GNG7: variants seen among roughly 807,000 people sequenced by gnomAD.
GNG7 encodes the protein guanine nucleotide-binding protein G(I)/G(S)/G(O) subunit gamma-7.
GNG7 carries 1 observed loss-of-function variant against 4.0 expected under a neutral mutation model. The ratio of observed to expected loss-of-function variants is 0.25; its 90% CI spans 0.09 to 1.18. The LOEUF (loss-of-function observed/expected upper bound fraction) is 1.18, where lower values mean the gene tolerates loss of function less well. GNG7 is among the 50% of genes most tolerant of loss of function. GNG7 has a pLI of 0.50. For missense variants in GNG7, 86 were observed against 91.9 expected (o/e 0.94, Z 0.26); for synonymous variants, 34 against 36.9 (o/e 0.92, Z 0.29).
intron 2 of GNG7, among the ~76,000 whole-genome samples, chr19:2,622,407 G>C (rs931001038): frequency 2.6e-5 from 4 of 152,226 alleles, no homozygotes; most frequent in Non-Finnish European, 4.4e-5. Context: ...TGCAAAGGGT[G>C]CGGGATAAGC....
At chr19:2,659,192 A>T (rs935161604) in intron 1 of GNG7, among the ~76,000 whole-genome samples, 10 of 151,860 alleles carry the variant, frequency 6.6e-5, no homozygotes, top group Admixed American at 2.0e-4. Flanking sequence ...GATGGTCTCA[A>T]TCTCCTGACC....
At chr19:2,615,588 G>C (rs1440228480) in intron 2 of GNG7, among the ~76,000 whole-genome samples, 1 of 149,538 alleles carries the variant, frequency 6.7e-6, no homozygotes, top group African/African-American at 2.5e-5. Context: ...TCAGCCTCCA[G>C]AGTAGCTGGA....
chr19:2,672,706 A>G (rs1174588732), intron 1 of GNG7, among the ~76,000 whole-genome samples: 1 of 151,940 alleles, frequency 6.6e-6, no homozygotes, highest in African/African-American at 2.4e-5. Context: ...TCGACCTCCC[A>G]AAGTGCTGGG....
chr19:2,542,308 G>T (rs1391957876), intron 3 of GNG7, among the ~76,000 whole-genome samples: 1 of 151,900 alleles, frequency 6.6e-6, no homozygotes, highest in Admixed American at 6.6e-5. Context: ...TCGAGACGGG[G>T]TTTCACCATG....
intron 2 of GNG7, among the ~76,000 whole-genome samples, chr19:2,580,829 A>G (rs1980481209): frequency 6.6e-6 from 1 of 151,786 alleles, no homozygotes; most frequent in South Asian, 2.1e-4. Flanking sequence ...CAGTGGTGCA[A>G]TCACGGCTCA....
In GNG7 at chr19:2,661,282, GAAA is replaced by G. The variant is rs60031013; in HGVS notation, c.-134-15005_-134-15003del. On this transcript the variant is annotated intron_variant, in intron 1 of 4. Coordinates refer to ENST00000382159, the MANE Select transcript of GNG7 (RefSeq NM_052847.3). Reference sequence around the variant, plus strand: ...GAAAGAAAGAAAGAAAAGAAAGAAAGAAAGAAAGAAAGAAAGAAAGAGAAAGAA... The same window carrying G: ...GAAAGAAAGAAAGAAAAGAAAGAAAGGAAAGAAAGAAAGAAAGAGAAAGAA... Among the ~76,000 whole-genome samples the G allele has an allele frequency of 1.5e-3, 72 of 46,592 alleles. 3 individuals are homozygous for G. Among genetic ancestry groups the G allele is most frequent in the Admixed American group, 1.9e-3 (8 of 4,228 alleles). 30.6% of individuals were successfully genotyped at this position (46,592 alleles called of 152,430 possible). A position where few individuals can be genotyped will look rare whatever the true frequency, so the allele number is the denominator to read the frequency against.
Position 2,527,018 on chromosome 19 carries a change from G to A in GNG7, c.-37-6293C>T, listed in dbSNP as rs955129982. 1.6e-4 allele frequency among the ~76,000 whole-genome samples: 24 copies of A among 152,018 alleles called. No individual in the cohort carries two copies. The East Asian group carries it at 4.4e-3, about 28-fold the overall frequency. ...GCGCCACCACACCGGGCTAATTTTT[G>A]TATTTTTAGTAGAGACGGGGTTTCA... On this transcript the variant is annotated intron_variant, in intron 3 of 4. Coordinates refer to ENST00000382159, the MANE Select transcript of GNG7 (RefSeq NM_052847.3).
chr19:2,591,255 C>A (rs1980842765), intron 2 of GNG7, among the ~76,000 whole-genome samples: 1 of 152,096 alleles, frequency 6.6e-6, no homozygotes, highest in Non-Finnish European at 1.5e-5. Flanking sequence ...TCCCTCCTTG[C>A]TGTTTCTTAT....
At chr19:2,601,164 T>A (rs996997786) in intron 2 of GNG7, among the ~76,000 whole-genome samples, 2 of 152,024 alleles carry the variant, frequency 1.3e-5, no homozygotes, top group African/African-American at 4.8e-5. Flanking sequence ...AAATTATTAC[T>A]TATGTAAAAA....
intron 2 of GNG7, chr19:2,643,724 C>G (rs956131157): frequency 6.8e-6 from 3 of 439,080 alleles, no homozygotes; most frequent in Non-Finnish European, 1.4e-5. Flanking sequence ...CAGTTACACA[C>G]CCTGCGATGC....
intron 1 of GNG7, among the ~76,000 whole-genome samples, chr19:2,696,249 GAAAA>G (rs1408478118): frequency 1.3e-4 from 16 of 125,666 alleles, no homozygotes; most frequent in Non-Finnish European, 2.2e-4. Context: ...GAAAGAAAAA[GAAAA>G]AAGAAAGAAA....
chr19:2,594,447 G>GAAGGAAGGAAGGAAGGAAGGAAGGAAGGA (rs113980932), intron 2 of GNG7, among the ~76,000 whole-genome samples: 1 of 127,048 alleles, frequency 7.9e-6, no homozygotes, highest in African/African-American at 3.7e-5. Context: ...AGGAAGGAAG[G>GAAGGAAGGAAGGAAGGAAGGAAGGAAGGA]AGGAAGAAAG....
At position 2,702,676 on chromosome 19, in the gene GNG7, C is replaced by G. The variant is rs1913438586; in HGVS notation, c.-165G>C. The stretch of plus-strand genomic sequence containing the variant: ...CTCGGGCCCCGCGGCCGCCTCAGCC[C>G]CGCCGCGCAGCCGAACCCTCCGCCC... On this transcript the variant is annotated 5_prime_UTR_variant, in exon 1 of 5. Transcript: ENST00000382159. 6.6e-6 allele frequency: 1 copy of G among 151,288 alleles called. No homozygotes were observed. Among genetic ancestry groups the G allele is most frequent in the Non-Finnish European group, 1.5e-5 (1 of 67,716 alleles). 9.4% of individuals were successfully genotyped at this position (151,288 alleles called of 1,614,324 possible).
intron 2 of GNG7, among the ~76,000 whole-genome samples, chr19:2,598,728 T>G (rs1178010116): frequency 6.7e-6 from 1 of 149,800 alleles, no homozygotes; most frequent in East Asian, 1.9e-4. Context: ...ATAATAATGC[T>G]ACTTGGGCAT....
Position 2,513,166 on chromosome 19 carries a change from G to A in GNG7, c.*1856C>T, listed in dbSNP as rs1011699209. On this transcript the variant is annotated 3_prime_UTR_variant, in exon 5 of 5. Coordinates refer to ENST00000382159, the MANE Select transcript of GNG7 (RefSeq NM_052847.3). ...ACCCGGAGCCCTCTAGCCTTGGCGA[G>A]GTGGGAACCCTGGCAGTCACCAGCT... 4 of 978,526 alleles carry A rather than the reference G, an allele frequency of 4.1e-6. No individual in the cohort carries two copies. The African/African-American group carries it at 7.0e-5, about 17-fold the overall frequency. 60.6% of individuals were successfully genotyped at this position (978,526 alleles called of 1,614,324 possible).
At position 2,634,576 on chromosome 19, in the gene GNG7, G is replaced by A. The variant is rs1050859658; in HGVS notation, c.-78+11648C>T. ...GCCCCTGATTTCGGCACAGCGCCCC[G>A]TAATTACTTGCGGGCTGCACACACG... On this transcript the variant is annotated intron_variant, in intron 2 of 4. Coordinates refer to ENST00000382159, the MANE Select transcript of GNG7 (RefSeq NM_052847.3). The surrounding 1 kb of genome is among the most constrained non-coding windows in gnomAD (Gnocchi z 5.3). Among the ~76,000 whole-genome samples the A allele has an allele frequency of 2.0e-5, 3 of 152,102 alleles. No individual in the cohort carries two copies. The highest frequency in any genetic ancestry group is 1.9e-4 in the East Asian group (1 of 5,184).
At chr19:2,526,708 G>A (rs1162785662) in intron 3 of GNG7, among the ~76,000 whole-genome samples, 1 of 149,242 alleles carries the variant, frequency 6.7e-6, no homozygotes, top group Non-Finnish European at 1.5e-5. Context: ...TATATAGTTT[G>A]ATTTCTATTT....
At position 2,633,487 on chromosome 19, in the gene GNG7, G is replaced by GCGCGCACACACACA. The variant is rs1250581952; in HGVS notation, c.-78+12736_-78+12737insTGTGTGTGTGCGCG. 1.2e-4 allele frequency among the ~76,000 whole-genome samples: 12 copies of GCGCGCACACACACA among 103,804 alleles called. No homozygotes were observed. The highest frequency in any genetic ancestry group is 4.7e-4 in the African/African-American group (12 of 25,526). The allele number at this position is 103,804 out of a possible 152,430, so 68.1% of individuals were successfully genotyped here. A position where few individuals can be genotyped will look rare whatever the true frequency, so the allele number is the denominator to read the frequency against. On this transcript the variant is annotated intron_variant, in intron 2 of 4. Transcript: ENST00000382159. The surrounding 1 kb of genome is among the most constrained non-coding windows in gnomAD (Gnocchi z 5.9). ...TAGCAACAGGCGCGCGCGCGCGCGC[G>GCGCGCACACACACA]CACACACACACACACACACACACAC...
rs1555698894 is a variant in GNG7 at position 2,633,470 on chromosome 19, G to GGT, written c.-78+12753_-78+12754insAC. On this transcript the variant is annotated intron_variant, in intron 2 of 4. Transcript: ENST00000382159. This position sits in a 1 kb window ranked among gnomAD's most constrained non-coding sequence, Gnocchi z 5.9. ...CTGTTCAAGCGGTTGCTTAGCAACA[G>GGT]GCGCGCGCGCGCGCGCGCACACACA... Among the ~76,000 whole-genome samples, 7 of 132,434 alleles carry GGT rather than the reference G, an allele frequency of 5.3e-5. No homozygotes were observed. The highest frequency in any genetic ancestry group is 2.0e-4 in the African/African-American group (6 of 30,540). 86.9% of individuals were successfully genotyped at this position (132,434 alleles called of 152,430 possible).
Sources: allele counts gnomAD v4.1 joint callset (sites outside exome capture counted in the v4.1 genomes callset), GRCh38; gene constraint gnomAD v4.1.1; non-coding constraint Gnocchi (gnomAD v3.1); transcripts MANE v1.5; gene names NCBI Gene and HGNC (gene_info 2026-07-23, HGNC 2026-07-21).